PITPNM2: variants seen among roughly 807,000 people sequenced by gnomAD.
PITPNM2 encodes the protein membrane-associated phosphatidylinositol transfer protein 2.
In PITPNM2, 35 loss-of-function variants were observed where a neutral mutation model predicts 132.2. The observed-to-expected ratio is 0.26, with a 90% CI of 0.20 to 0.35. The LOEUF (loss-of-function observed/expected upper bound fraction) is 0.35, where lower values mean the gene tolerates loss of function less well. Ranked by LOEUF, PITPNM2 falls within the 10% of genes least tolerant of loss-of-function variation. The probability of loss-of-function intolerance (pLI) is 1.00; values close to 1 mark genes in which losing one functional copy is unlikely to be tolerated. For synonymous variants in PITPNM2, 738 were observed against 799.2 expected, an observed-to-expected ratio of 0.92 and a Z score of 1.29; for missense variants, 1,332 against 1,912.0, an observed-to-expected ratio of 0.70 and a Z score of 5.66.
At chr12:123,101,080 A>G (rs1451658231) in intron 2 of PITPNM2, among the ~76,000 whole-genome samples, 1 of 152,262 alleles carries the variant, frequency 6.6e-6, no homozygotes, top group East Asian at 1.9e-4. Flanking sequence ...GGGAAGGAAC[A>G]TTCTTTATTG....
In PITPNM2 at chr12:123,111,426, A is replaced by T. The variant is rs995018589; in HGVS notation, c.-199-938T>A. Among the ~76,000 whole-genome samples the T allele has an allele frequency of 6.6e-6, 1 of 152,242 alleles. No homozygotes were observed. Among genetic ancestry groups the T allele is most frequent in the Non-Finnish European group, 1.5e-5 (1 of 68,036 alleles). ...GGACAGGCATGGTGGGGGTCTCCTC[A>T]GACACCAGTCCATGCCCGCTAGGGG... On this transcript the variant is annotated intron_variant, in intron 1 of 25. Coordinates refer to ENST00000320201, the MANE Select transcript of PITPNM2 (RefSeq NM_020845.3). This position sits in a 1 kb window ranked among gnomAD's most constrained non-coding sequence, Gnocchi z 4.1.
Position 123,095,279 on chromosome 12 carries a change from G to A in PITPNM2, c.-96+15106C>T, listed in dbSNP as rs1185178028. Among the ~76,000 whole-genome samples the A allele has an allele frequency of 6.6e-6, 1 of 152,180 alleles. No individual in the cohort carries two copies. ...AGCTTGCTGGACAGTCGCCCCTGTG[G>A]TGACAGGGAGAGCTAAGCAAATCAG... On this transcript the variant is annotated intron_variant, in intron 2 of 25. Coordinates refer to ENST00000320201, the MANE Select transcript of PITPNM2 (RefSeq NM_020845.3). This position sits in a 1 kb window ranked among gnomAD's most constrained non-coding sequence, Gnocchi z 5.0.
intron 1 of PITPNM2, among the ~76,000 whole-genome samples, chr12:123,137,847 C>T (rs1413160026): frequency 2.0e-5 from 3 of 146,432 alleles, no homozygotes; most frequent in Non-Finnish European, 4.5e-5. Context: ...GAGCCAAGAT[C>T]ACACCACTGT....
At chr12:123,101,982 C>T (rs916287638) in intron 2 of PITPNM2, among the ~76,000 whole-genome samples, 6 of 152,182 alleles carry the variant, frequency 3.9e-5, no homozygotes, top group Non-Finnish European at 7.3e-5. Flanking sequence ...CCACCGTACT[C>T]CAGCCTGGGT....
chr12:123,001,483 G>A (rs1396952717), intron 8 of PITPNM2, among the ~76,000 whole-genome samples: 1 of 152,198 alleles, frequency 6.6e-6, no homozygotes, highest in African/African-American at 2.4e-5. Context: ...GCCTTCCTTG[G>A]CCCCTGGCCA....
At chr12:123,088,235 A>G (rs1354244594) in intron 2 of PITPNM2, 1 of 152,096 alleles carries the variant, frequency 6.6e-6, no homozygotes, top group Non-Finnish European at 1.5e-5. Flanking sequence ...CCTCTTTCCC[A>G]GATATTACAT....
chr12:123,086,914 T>C (rs949538915), intron 2 of PITPNM2, among the ~76,000 whole-genome samples: 1 of 152,200 alleles, frequency 6.6e-6, no homozygotes, highest in Non-Finnish European at 1.5e-5. Flanking sequence ...CACAGAATGG[T>C]TGGACTGGCC....
At chr12:123,041,665 G>A (rs2040481306) in intron 2 of PITPNM2, among the ~76,000 whole-genome samples, 2 of 152,160 alleles carry the variant, frequency 1.3e-5, no homozygotes, top group Admixed American at 6.5e-5. Context: ...TGCCGGAGTC[G>A]TGACGGGTTA....
Position 123,111,640 on chromosome 12 carries a change from G to A in PITPNM2, c.-199-1152C>T, listed in dbSNP as rs1399130511. ...CTCTTCCAACCCCGCCACCGCCACCGCGTCCTGCATGCCCACCCCCGTGCA... is the reference window on the plus strand; with the variant it reads ...CTCTTCCAACCCCGCCACCGCCACCACGTCCTGCATGCCCACCCCCGTGCA... On this transcript the variant is annotated intron_variant, in intron 1 of 25. Transcript: ENST00000320201. The surrounding 1 kb of genome is among the most constrained non-coding windows in gnomAD (Gnocchi z 4.1). Among the ~76,000 whole-genome samples, 1 of 152,184 alleles carries A rather than the reference G, an allele frequency of 6.6e-6. No homozygotes were observed. The highest frequency in any genetic ancestry group is 1.5e-5 in the Non-Finnish European group (1 of 68,020).
rs1273371578 is a variant in PITPNM2, at chr12:123,023,683, AAG to A, written c.79-9643_79-9642del. ...TAAGGGCTCAAACTATAAAACTCTT[AAG>A]AGAAAACATAGGCATAAGTCCTATG... On this transcript the variant is annotated intron_variant, in intron 3 of 25. Transcript: ENST00000320201. The surrounding 1 kb of genome is among the most constrained non-coding windows in gnomAD (Gnocchi z 4.8). Among the ~76,000 whole-genome samples, 2 of 152,214 alleles carry A rather than the reference AAG, an allele frequency of 1.3e-5. No homozygotes were observed. Among genetic ancestry groups the A allele is most frequent in the Non-Finnish European group, 2.9e-5 (2 of 68,032 alleles).
intron 5 of PITPNM2, among the ~76,000 whole-genome samples, chr12:123,011,419 G>A (rs2039198985): frequency 6.6e-6 from 1 of 152,198 alleles, no homozygotes; most frequent in South Asian, 2.1e-4. Context: ...AGAGACTTAG[G>A]ACCCATGGCA....
chr12:123,023,256 C>T lies in PITPNM2; in HGVS notation c.79-9214G>A, dbSNP rs1424122583. ...GCTCCCTGTGAGGGGCTCACTGAAG[C>T]TGCCACTCAGAATGTCAGTGCGCAG... On this transcript the variant is annotated intron_variant, in intron 3 of 25. Coordinates refer to ENST00000320201, the MANE Select transcript of PITPNM2 (RefSeq NM_020845.3). The surrounding 1 kb of genome is among the most constrained non-coding windows in gnomAD (Gnocchi z 4.8). Among the ~76,000 whole-genome samples the T allele has an allele frequency of 2.0e-5, 3 of 152,218 alleles. No homozygotes were observed. Among genetic ancestry groups the T allele is most frequent in the Non-Finnish European group, 4.4e-5 (3 of 68,040 alleles).
chr12:123,118,144 A>G (rs1237456332), intron 1 of PITPNM2, among the ~76,000 whole-genome samples: 1 of 152,264 alleles, frequency 6.6e-6, no homozygotes, highest in African/African-American at 2.4e-5. Flanking sequence ...AGTTAGCATT[A>G]CTTAACTAAT....
At position 122,987,496 on chromosome 12, in the gene PITPNM2, A is replaced by C. The variant is rs2037987613; in HGVS notation, c.3263+15T>G. On this transcript the variant is annotated intron_variant, in intron 22 of 25. Transcript: ENST00000320201. ...CTCGCCCTGCCTATCCCGCCCTCCCAGTGCAGGCATATACCTGACCACCAT... is the reference window on the plus strand; with the variant it reads ...CTCGCCCTGCCTATCCCGCCCTCCCCGTGCAGGCATATACCTGACCACCAT... The C allele has an allele frequency of 6.2e-7, 1 of 1,610,886 alleles. No individual in the cohort carries two copies. Among genetic ancestry groups the C allele is most frequent in the African/African-American group, 1.3e-5 (1 of 74,850 alleles).
At chr12:123,115,177 A>G (rs1163437228) in intron 1 of PITPNM2, among the ~76,000 whole-genome samples, 1 of 152,082 alleles carries the variant, frequency 6.6e-6, no homozygotes, top group Non-Finnish European at 1.5e-5. Flanking sequence ...CATGGACCCC[A>G]TGCCTTGGGC....
Position 123,008,297 on chromosome 12 carries a change from G to T in PITPNM2, c.643+1553C>A, listed in dbSNP as rs1196513475. Among the ~76,000 whole-genome samples, 1 of 152,224 alleles carries T rather than the reference G, an allele frequency of 6.6e-6. No homozygotes were observed. Among genetic ancestry groups the T allele is most frequent in the Non-Finnish European group, 1.5e-5 (1 of 68,042 alleles). On this transcript the variant is annotated intron_variant, in intron 6 of 25. Coordinates refer to ENST00000320201, the MANE Select transcript of PITPNM2 (RefSeq NM_020845.3). This position sits in a 1 kb window ranked among gnomAD's most constrained non-coding sequence, Gnocchi z 4.1. ...GACCCACAGAGCCAGAGTGCCAGGA[G>T]CTGCAGCCTTAGTAGGTCTGCTGGG...
chr12:122,988,188 T>C, intron 20 of PITPNM2, 46 bp downstream of exon 20: 2 of 1,500,366 alleles, frequency 1.3e-6, no homozygotes, highest in Non-Finnish European at 1.8e-6. Flanking sequence ...CGGAGGCTGG[T>C]GACAGGGTGA....
At chr12:123,002,569 C>T (rs1288443036) in intron 8 of PITPNM2, among the ~76,000 whole-genome samples, 4 of 152,066 alleles carry the variant, frequency 2.6e-5, no homozygotes, top group African/African-American at 9.7e-5. Flanking sequence ...TGCGCCACGA[C>T]ACTTGGCTAA....
Position 122,989,813 on chromosome 12 carries a change from C to G in PITPNM2, c.2705G>C (p.Gly902Ala). 1 of 1,405,460 alleles carries G rather than the reference C, an allele frequency of 7.1e-7. No individual in the cohort carries two copies. Among genetic ancestry groups the G allele is most frequent in the Admixed American group, 2.8e-5 (1 of 35,848 alleles). 87.1% of individuals were successfully genotyped at this position (1,405,460 alleles called of 1,614,324 possible). Reference sequence around the variant, plus strand: ...TTCTCCAATGTCCAGCTCAGGGAGGCCAGGGGCCCTCTCCAGGCCAGGGCT... The same window carrying G: ...TTCTCCAATGTCCAGCTCAGGGAGGGCAGGGGCCCTCTCCAGGCCAGGGCT... Reference protein sequence around the residue: ...KASPGLERAPGLPELDIGEVA... With the variant: ...KASPGLERAPALPELDIGEVA... Residue 902 changes from glycine (G) to alanine (A), a missense_variant, in exon 18 of 26, where the codon GGC (glycine) becomes GCC (alanine). Coordinates refer to ENST00000320201, the MANE Select transcript of PITPNM2 (RefSeq NM_020845.3).
Sources: allele counts gnomAD v4.1 joint callset (sites outside exome capture counted in the v4.1 genomes callset), GRCh38; gene constraint gnomAD v4.1.1; non-coding constraint Gnocchi (gnomAD v3.1); transcripts MANE v1.5; gene names NCBI Gene and HGNC (gene_info 2026-07-23, HGNC 2026-07-21).